The following MUC22 variants were observed in gnomAD, a reference collection of about 807,000 sequenced individuals.
The protein encoded by MUC22 is mucin 22, also known as mucin-22.
A neutral mutation model predicts 40.3 loss-of-function variants in MUC22; 24 were observed. The observed-to-expected ratio is 0.60, with a 90% CI of 0.43 to 0.84. MUC22 has a LOEUF of 0.84. MUC22 is among the 40% of genes least tolerant of loss of function. The probability of loss-of-function intolerance (pLI) is 0.00; values close to 1 mark genes in which losing one functional copy is unlikely to be tolerated. For missense variants in MUC22, 1,926 were observed against 2,130.7 expected, an observed-to-expected ratio of 0.90 and a Z score of 1.89; for synonymous variants, 765 against 844.5, an observed-to-expected ratio of 0.91 and a Z score of 1.63.
chr6:31,022,959 GTC>G (rs1373971980), intron 1 of MUC22, among the ~76,000 whole-genome samples: 1 of 151,666 alleles, frequency 6.6e-6, no homozygotes, highest in Non-Finnish European at 1.5e-5. Context: ...GTGAAACCCT[GTC>G]TCTACTAAAA....
exon 4 of MUC22, chr6:31,034,708 T>A (rs1380629678): frequency 6.5e-7 from 1 of 1,535,564 alleles, no homozygotes; most frequent in Non-Finnish European, 8.7e-7. Flanking sequence ...TTGTGGTATT[T>A]ATTACCCCCA....
chr6:31,033,864 A>G (rs1766257106), intron 3 of MUC22, among the ~76,000 whole-genome samples: 1 of 152,242 alleles, frequency 6.6e-6, no homozygotes, highest in African/African-American at 2.4e-5. Context: ...AGATTTGGAT[A>G]ATATAGTCAA....
At chr6:31,013,927 GA>G (rs1394950702) in intron 1 of MUC22, among the ~76,000 whole-genome samples, 3 of 151,972 alleles carry the variant, frequency 2.0e-5, no homozygotes, top group Non-Finnish European at 2.9e-5. Flanking sequence ...CTAATGAAAA[GA>G]AAGATTTAGG....
chr6:31,022,964 T>C (rs1764990557), intron 1 of MUC22, among the ~76,000 whole-genome samples: 1 of 151,950 alleles, frequency 6.6e-6, no homozygotes, highest in Non-Finnish European at 1.5e-5. Flanking sequence ...ACCCTGTCTC[T>C]ACTAAAAATA....
At chr6:31,031,881 T>C (rs2150811099) in intron 2 of MUC22, among the ~76,000 whole-genome samples, 2 of 152,308 alleles carry the variant, frequency 1.3e-5, no homozygotes, top group South Asian at 4.1e-4. Flanking sequence ...TCTATTTGGG[T>C]GGCCACTTCT....
chr6:31,028,308 C>T, exon 2 of MUC22: 1 of 1,533,092 alleles, frequency 6.5e-7, no homozygotes, highest in Non-Finnish European at 8.7e-7. Context: ...AAGTTTCTAC[C>T]ACAGGTTCAG....
exon 2 of MUC22, chr6:31,025,671 C>A (rs144671884): frequency 6.5e-7 from 1 of 1,533,142 alleles, no homozygotes; most frequent in Non-Finnish European, 8.7e-7. Flanking sequence ...CAGCCTCCAC[C>A]ATGGCTTCTA....
chr6:31,010,128 C>T (rs992045772), upstream of MUC22, among the ~76,000 whole-genome samples: 6 of 152,142 alleles, frequency 3.9e-5, no homozygotes, highest in Admixed American at 2.6e-4. Flanking sequence ...GTTTCCTTTT[C>T]TTCTCTTCTT....
chr6:31,032,722 T>C lies in MUC22; in HGVS notation c.5055+141T>C. ...AAGGAAAGAATCACCTAGCCTGATA[T>C]AAGGACCAGAGAGAATGCTTAAGTC... On this transcript the variant is annotated intron_variant, in intron 3 of 3. Transcript: ENST00000561890. The surrounding 1 kb of genome is among the most constrained non-coding windows in gnomAD (Gnocchi z 4.1). 1.1e-6 allele frequency: 1 copy of C among 929,232 alleles called. No homozygotes were observed. The highest frequency in any genetic ancestry group is 2.6e-5 in the East Asian group (1 of 37,852). The allele number at this position is 929,232 out of a possible 1,614,324, so 57.6% of individuals were successfully genotyped here.
chr6:31,024,011 A>G (rs1323902028), intron 1 of MUC22, among the ~76,000 whole-genome samples: 3 of 152,232 alleles, frequency 2.0e-5, no homozygotes, highest in Non-Finnish European at 4.4e-5. Context: ...TGCAAAGAGA[A>G]GAATACAGCA....
intron 1 of MUC22, among the ~76,000 whole-genome samples, chr6:31,020,707 C>T (rs1189537835): frequency 6.6e-6 from 1 of 152,184 alleles, no homozygotes; most frequent in Non-Finnish European, 1.5e-5. Context: ...CCTCAGCTTG[C>T]AGGGAGGTGT....
Position 31,032,630 on chromosome 6 carries a change from G to T in MUC22, c.5055+49G>T. 7.4e-6 allele frequency: 11 copies of T among 1,493,070 alleles called. No individual in the cohort carries two copies. The South Asian group carries it at 1.4e-4, about 20-fold the overall frequency. 92.5% of individuals were successfully genotyped at this position (1,493,070 alleles called of 1,614,324 possible). A position where few individuals can be genotyped will look rare whatever the true frequency, so the allele number is the denominator to read the frequency against. ...AGGGGAGCCTGGCAAGAAGGCAGGG[G>T]GGAATCATGTCAGCAGTGCTTTGGA... On this transcript the variant is annotated intron_variant, in intron 3 of 3. Transcript: ENST00000561890. The surrounding 1 kb of genome is among the most constrained non-coding windows in gnomAD (Gnocchi z 4.1).
chr6:31,022,351 A>C (rs970299104), intron 1 of MUC22, among the ~76,000 whole-genome samples: 1 of 152,018 alleles, frequency 6.6e-6, no homozygotes, highest in African/African-American at 2.4e-5. Context: ...TTTAGTACAG[A>C]TGGGGGTTCT....
exon 2 of MUC22, chr6:31,026,680 A>G: frequency 6.6e-7 from 1 of 1,506,646 alleles, no homozygotes. Context: ...TTCTGAGACC[A>G]CTGCAGCCTC....
chr6:31,021,905 G>C (rs1034228532), intron 1 of MUC22, among the ~76,000 whole-genome samples: 3 of 152,014 alleles, frequency 2.0e-5, no homozygotes, highest in African/African-American at 7.3e-5. Context: ...TTTTGCTACT[G>C]CTCACTTTTT....
chr6:31,007,609 C>T (rs750479969), upstream of MUC22, among the ~76,000 whole-genome samples: 4 of 152,124 alleles, frequency 2.6e-5, no homozygotes, highest in African/African-American at 4.8e-5. This position sits in a 1 kb window ranked among gnomAD's most constrained non-coding sequence, Gnocchi z 4.0. Flanking sequence ...GAGATGGCAG[C>T]GAGAATCTGG....
exon 2 of MUC22, chr6:31,030,083 C>A (rs1231919211): frequency 6.5e-7 from 1 of 1,531,540 alleles, no homozygotes; most frequent in Non-Finnish European, 8.7e-7. Flanking sequence ...CAGCCCATCA[C>A]CAACACACCT....
At chr6:31,008,571 C>T (rs1237412503), upstream of MUC22, among the ~76,000 whole-genome samples, 2 of 140,200 alleles carry the variant, frequency 1.4e-5, no homozygotes, top group South Asian at 2.2e-4. Flanking sequence ...TTTTTTGAGA[C>T]GGAGTCTCAC....
upstream of MUC22, among the ~76,000 whole-genome samples, chr6:31,009,582 C>T (rs866461019): frequency 1.3e-5 from 2 of 152,316 alleles, no homozygotes; most frequent in African/African-American, 2.4e-5. Context: ...CCAAAAGAGA[C>T]ACTTTTAAAA....
Sources: allele counts gnomAD v4.1 joint callset (sites outside exome capture counted in the v4.1 genomes callset), GRCh38; gene constraint gnomAD v4.1.1; non-coding constraint Gnocchi (gnomAD v3.1); transcripts MANE v1.5; gene names NCBI Gene and HGNC (gene_info 2026-07-23, HGNC 2026-07-21).